SLC30A9: variants seen among roughly 807,000 people sequenced by gnomAD.
SLC30A9 encodes the protein solute carrier family 30 member 9, also known as proton-coupled zinc antiporter SLC30A9, mitochondrial.
In SLC30A9, 58 loss-of-function variants were observed where a neutral mutation model predicts 87.5. The observed-to-expected ratio is 0.66, with a 90% CI of 0.54 to 0.82. The LOEUF (loss-of-function observed/expected upper bound fraction) is 0.82. SLC30A9 is among the 40% of genes least tolerant of loss of function. The pLI is 0.00. For synonymous variants in SLC30A9, 234 were observed against 233.0 expected (o/e 1.00, Z -0.04); for missense variants, 557 against 679.1 (o/e 0.82, Z 2.00).
chr4:42,071,351 A>AT (rs1207462292), intron 15 of SLC30A9, among the ~76,000 whole-genome samples: 3 of 152,084 alleles, frequency 2.0e-5, no homozygotes, highest in Admixed American at 6.6e-5. Context: ...TTAAAATAAG[A>AT]TTTTTTTGTG....
intron 15 of SLC30A9, among the ~76,000 whole-genome samples, chr4:42,075,281 C>T (rs1194834290): frequency 6.6e-6 from 1 of 150,880 alleles, no homozygotes; most frequent in Admixed American, 6.6e-5. Flanking sequence ...ACCATATTGG[C>T]CAGGCTGGTC....
At chr4:42,000,694 T>A (rs1307913676) in intron 1 of SLC30A9, among the ~76,000 whole-genome samples, 1 of 152,094 alleles carries the variant, frequency 6.6e-6, no homozygotes, top group Non-Finnish European at 1.5e-5. Flanking sequence ...ATGGCTTTTC[T>A]TTCAGAATGC....
At chr4:42,079,588 GC>G in intron 17 of SLC30A9, among the ~76,000 whole-genome samples, 1 of 145,754 alleles carries the variant, frequency 6.9e-6, no homozygotes, top group Non-Finnish European at 1.5e-5. Flanking sequence ...ACAGGAGTGA[GC>G]CACCCCACCC....
At chr4:42,050,125 A>C (rs1466205244) in intron 9 of SLC30A9, among the ~76,000 whole-genome samples, 3 of 152,182 alleles carry the variant, frequency 2.0e-5, no homozygotes, top group Admixed American at 2.0e-4. Flanking sequence ...ATTTAAGACA[A>C]GGATAAAAAT....
At position 42,029,742 on chromosome 4, in the gene SLC30A9, A is replaced by G. The variant is rs1158200537; in HGVS notation, c.611-5533A>G. 5.6e-5 allele frequency: 41 copies of G among 727,482 alleles called. 2 individuals are homozygous for G. Among genetic ancestry groups the G allele is most frequent in the South Asian group, 4.4e-4 (31 of 70,478 alleles). The allele number at this position is 727,482 out of a possible 1,614,324, so 45.1% of individuals were successfully genotyped here. ...CTACGAAGAGGGCAAACCACATGTT[A>G]TTATAAAGCTCAAGTGAGTTCTAGG... On this transcript the variant is annotated intron_variant, in intron 6 of 17. Coordinates refer to ENST00000264451, the MANE Select transcript of SLC30A9 (RefSeq NM_006345.4).
intron 6 of SLC30A9, among the ~76,000 whole-genome samples, chr4:42,032,239 T>C (rs752451327): frequency 6.7e-6 from 1 of 148,654 alleles, no homozygotes; most frequent in Non-Finnish European, 1.5e-5. Flanking sequence ...CCTCCAACAA[T>C]TGGATTTCAA....
rs536668723 is a variant in SLC30A9 at position 42,086,439 on chromosome 4, T to C, written c.*313T>C. On this transcript the variant is annotated 3_prime_UTR_variant, in exon 18 of 18. Transcript: ENST00000264451. ...CACCTGTTCAGTGTATACTGTACTT[T>C]GCAATCATCTTTCCTTTTTTCACAT... 6 of 220,956 alleles carry C rather than the reference T, an allele frequency of 2.7e-5. No individual in the cohort carries two copies. The South Asian group carries it at 1.1e-3, about 41-fold the overall frequency. 13.7% of individuals were successfully genotyped at this position (220,956 alleles called of 1,614,324 possible). A position where few individuals can be genotyped will look rare whatever the true frequency, so the allele number is the denominator to read the frequency against.
Position 42,049,424 on chromosome 4 carries a change from G to A in SLC30A9, c.785G>A (p.Gly262Asp). Residue 262 changes from glycine to aspartate, a missense_variant, in exon 9 of 18, where the codon GGT (glycine) becomes GAT (aspartate). By Grantham distance (94) the Gly-to-Asp change is moderately conservative. Transcript: ENST00000264451. ...AAATTTCTTGCCTGGATTTATACCG[G>A]TTCAGCAAGTATGTTCTCAGAAGCT... ...FFKFLAWIYT[G>D]SASMFSEAIH... is the part of the protein sequence containing the mutation. 1 of 1,611,690 alleles carries A rather than the reference G, an allele frequency of 6.2e-7. No homozygotes were observed. Among genetic ancestry groups the A allele is most frequent in the Non-Finnish European group, 8.5e-7 (1 of 1,178,504 alleles).
chr4:42,056,229 T>C (rs189599042), intron 9 of SLC30A9, among the ~76,000 whole-genome samples: 1 of 152,212 alleles, frequency 6.6e-6, no homozygotes, highest in East Asian at 1.9e-4. Context: ...TACATATATA[T>C]GTATACATAT....
chr4:42,004,083 C>G (rs1715095456), intron 2 of SLC30A9, among the ~76,000 whole-genome samples: 1 of 152,140 alleles, frequency 6.6e-6, no homozygotes, highest in South Asian at 2.1e-4. Flanking sequence ...ACATCCTATA[C>G]AAGTTCGTTT....
At chr4:42,053,533 G>A (rs1717468225) in intron 9 of SLC30A9, among the ~76,000 whole-genome samples, 1 of 151,474 alleles carries the variant, frequency 6.6e-6, no homozygotes, top group Admixed American at 6.6e-5. Flanking sequence ...TCTGCTAAAA[G>A]TACAAAATAG....
At chr4:42,008,680 C>G (rs1033235706) in intron 2 of SLC30A9, among the ~76,000 whole-genome samples, 2 of 152,132 alleles carry the variant, frequency 1.3e-5, no homozygotes, top group African/African-American at 4.8e-5. Context: ...TGGAGAAAAT[C>G]CAGACTATCT....
At chr4:42,036,757 A>G (rs968305290) in intron 7 of SLC30A9, among the ~76,000 whole-genome samples, 4 of 152,062 alleles carry the variant, frequency 2.6e-5, no homozygotes, top group Non-Finnish European at 5.9e-5. Context: ...CCCTTTGATC[A>G]CTGCATTTCT....
intron 2 of SLC30A9, among the ~76,000 whole-genome samples, chr4:42,003,642 C>T (rs187879719): frequency 1.3e-5 from 2 of 152,250 alleles, no homozygotes; most frequent in East Asian, 3.9e-4. Flanking sequence ...ATATGATCAT[C>T]TCTGTCTTTT....
At chr4:42,018,983 C>T (rs1302523463) in intron 3 of SLC30A9, among the ~76,000 whole-genome samples, 4 of 67,772 alleles carry the variant, frequency 5.9e-5, no homozygotes, top group South Asian at 1.6e-3. Context: ...ATGAAACTCA[C>T]GCAAAAAAAA....
At chr4:42,029,647 G>A in intron 6 of SLC30A9, 1 of 609,992 alleles carries the variant, frequency 1.6e-6, no homozygotes, top group East Asian at 2.8e-5. Flanking sequence ...AGAATGAGGT[G>A]AGCGAAAGTC....
At chr4:42,006,530 T>C (rs1052903302) in intron 2 of SLC30A9, among the ~76,000 whole-genome samples, 3 of 151,908 alleles carry the variant, frequency 2.0e-5, no homozygotes, top group African/African-American at 7.3e-5. Context: ...CTACAAAAGA[T>C]ACAAAAATTA....
intron 16 of SLC30A9, among the ~76,000 whole-genome samples, chr4:42,077,092 G>T (rs1402654437): frequency 6.6e-6 from 1 of 152,114 alleles, no homozygotes; most frequent in South Asian, 2.1e-4. Context: ...GGGCCATTGG[G>T]TGTACTTACC....
chr4:42,041,004 A>G (rs1426293611), intron 8 of SLC30A9, among the ~76,000 whole-genome samples: 1 of 152,160 alleles, frequency 6.6e-6, no homozygotes, highest in African/African-American at 2.4e-5. Context: ...AAGCCTCACA[A>G]TCATGGTGGA....
Sources: allele counts gnomAD v4.1 joint callset (sites outside exome capture counted in the v4.1 genomes callset), GRCh38; gene constraint gnomAD v4.1.1; transcripts MANE v1.5; gene names NCBI Gene and HGNC (gene_info 2026-07-23, HGNC 2026-07-21).